JAK1: variants seen among roughly 807,000 people sequenced by gnomAD.
The protein encoded by JAK1 is Janus kinase 1.
In JAK1, 16 loss-of-function variants were observed where a neutral mutation model predicts 136.6. That is an observed-to-expected ratio of 0.12 (90% CI 0.08 to 0.18). The LOEUF (loss-of-function observed/expected upper bound fraction) is 0.18. Among genes scored for constraint, JAK1 ranks in the 10% least tolerant of loss-of-function variants. The probability of loss-of-function intolerance (pLI) is 1.00; values close to 1 mark genes in which losing one functional copy is unlikely to be tolerated. For synonymous variants in JAK1, 492 were observed against 519.5 expected, an observed-to-expected ratio of 0.95 and a Z score of 0.72; for missense variants, 859 against 1,450.1, an observed-to-expected ratio of 0.59 and a Z score of 6.62.
chr1:64,984,923 T>C lies in JAK1; in HGVS notation c.-78+59557A>G. 8.7e-7 allele frequency: 1 copy of C among 1,155,030 alleles called. No individual in the cohort carries two copies. Among genetic ancestry groups the C allele is most frequent in the Non-Finnish European group, 1.3e-6 (1 of 766,058 alleles). 71.5% of individuals were successfully genotyped at this position (1,155,030 alleles called of 1,614,324 possible). On this transcript the variant is annotated intron_variant, in intron 2 of 25. Coordinates refer to the JAK1 transcript ENST00000671954. The surrounding 1 kb of genome is among the most constrained non-coding windows in gnomAD (Gnocchi z 4.1). ...CTGGGCCAGGGCCCTGGCTGAAGAG[T>C]TCAGCCACAATAAACCAGGGAATGT...
At chr1:64,935,984 G>T (rs1645782443) in intron 1 of JAK1, among the ~76,000 whole-genome samples, 1 of 152,134 alleles carries the variant, frequency 6.6e-6, no homozygotes, top group South Asian at 2.1e-4. Flanking sequence ...GACGGTCCAG[G>T]GACACACCCT....
chr1:64,903,305 G>A (rs948523824), intron 1 of JAK1, among the ~76,000 whole-genome samples: 1 of 152,154 alleles, frequency 6.6e-6, no homozygotes. Flanking sequence ...GGGACTACAG[G>A]TGTAAGCCAC....
upstream of JAK1, among the ~76,000 whole-genome samples, chr1:64,968,220 G>T (rs973629884): frequency 4.6e-5 from 7 of 152,152 alleles, no homozygotes; most frequent in African/African-American, 1.7e-4. Flanking sequence ...GGTGGAATCA[G>T]GGGGAGAGGG....
chr1:65,016,482 C>T (rs2100781915), intron 2 of JAK1, among the ~76,000 whole-genome samples: 1 of 152,236 alleles, frequency 6.6e-6, no homozygotes, highest in South Asian at 2.1e-4. Context: ...ATTAGCTGAG[C>T]ATGATGGCAT....
At chr1:64,908,775 A>G (rs2100256133) in intron 1 of JAK1, among the ~76,000 whole-genome samples, 1 of 152,210 alleles carries the variant, frequency 6.6e-6, no homozygotes, top group African/African-American at 2.4e-5. Context: ...TAAAATAAAG[A>G]TTCAGTGTAC....
At chr1:64,945,686 G>A (rs1645972354) in intron 1 of JAK1, among the ~76,000 whole-genome samples, 1 of 151,868 alleles carries the variant, frequency 6.6e-6, no homozygotes. Flanking sequence ...AACAAAAATG[G>A]GAGCAAACCT....
chr1:64,932,725 T>C (rs1438773339), intron 1 of JAK1, among the ~76,000 whole-genome samples: 1 of 152,210 alleles, frequency 6.6e-6, no homozygotes, highest in East Asian at 1.9e-4. Context: ...TTTTTTTTTA[T>C]TGACAAACTG....
intron 10 of JAK1, among the ~76,000 whole-genome samples, chr1:64,857,127 A>G (rs1180381215): frequency 1.3e-5 from 2 of 152,164 alleles, no homozygotes; most frequent in African/African-American, 4.8e-5. Flanking sequence ...CTACGCTTCA[A>G]TCACTAAAAG....
chr1:64,920,007 G>A (rs1185866826), intron 1 of JAK1, among the ~76,000 whole-genome samples: 1 of 152,124 alleles, frequency 6.6e-6, no homozygotes, highest in East Asian at 1.9e-4. Flanking sequence ...AATAATAAAC[G>A]ACATCAAAAG....
intron 2 of JAK1, chr1:64,990,787 T>C (rs917554983): frequency 6.6e-6 from 1 of 151,450 alleles, no homozygotes; most frequent in East Asian, 1.9e-4. Flanking sequence ...CCGGCAGTGG[T>C]AGCATGTGCC....
upstream of JAK1, among the ~76,000 whole-genome samples, chr1:64,966,721 C>T (rs1034172430): frequency 6.7e-6 from 1 of 150,200 alleles, no homozygotes; most frequent in African/African-American, 2.4e-5. Flanking sequence ...TCCGGCTTCG[C>T]TCGCGAAGCT....
chr1:64,837,366 C>T (rs547612544), intron 22 of JAK1, among the ~76,000 whole-genome samples: 15 of 152,274 alleles, frequency 9.9e-5, no homozygotes, highest in African/African-American at 3.4e-4. Context: ...TATGTGGTTA[C>T]GTGGCAGGGT....
intron 8 of JAK1, 77 bp downstream of exon 8, chr1:64,864,710 T>C (rs576775531): frequency 1.7e-6 from 2 of 1,151,636 alleles, no homozygotes; most frequent in South Asian, 2.9e-5. Flanking sequence ...CTGAAAATCA[T>C]GTGCTGCAGA....
At chr1:64,887,017 G>T (rs749841653) in intron 1 of JAK1, among the ~76,000 whole-genome samples, 2 of 152,188 alleles carry the variant, frequency 1.3e-5, no homozygotes, top group African/African-American at 4.8e-5. Context: ...GGGCAGCAGC[G>T]AAGGGGGAGA....
chr1:64,884,241 GCCAAAGAACCAA>G (rs1424781103), intron 2 of JAK1, among the ~76,000 whole-genome samples: 6 of 152,138 alleles, frequency 3.9e-5, no homozygotes, highest in Non-Finnish European at 8.8e-5. Flanking sequence ...AGCACCTAGG[GCCAAAGAACCAA>G]CCTCAGCAAC....
chr1:64,947,002 G>T (rs917269427), intron 1 of JAK1, among the ~76,000 whole-genome samples: 9 of 152,202 alleles, frequency 5.9e-5, no homozygotes, highest in African/African-American at 2.2e-4. Context: ...GAAGTAGCCA[G>T]AGTAGTCAAA....
chr1:64,939,592 C>T (rs757481879), intron 1 of JAK1, among the ~76,000 whole-genome samples: 15 of 152,104 alleles, frequency 9.9e-5, no homozygotes, highest in Admixed American at 9.8e-4. Flanking sequence ...TACCATGTAA[C>T]ACAAAAGAGT....
At chr1:64,953,158 C>T (rs1265879435) in intron 1 of JAK1, among the ~76,000 whole-genome samples, 1 of 152,176 alleles carries the variant, frequency 6.6e-6, no homozygotes. Flanking sequence ...AAGGTGTAAA[C>T]ATTATGTAAT....
At chr1:65,000,431 A>G (rs1251029744) in intron 2 of JAK1, among the ~76,000 whole-genome samples, 1 of 151,196 alleles carries the variant, frequency 6.6e-6, no homozygotes, top group African/African-American at 2.4e-5. Flanking sequence ...TGAGTCCAGG[A>G]GGTCAAGGCT....
Sources: allele counts gnomAD v4.1 joint callset (sites outside exome capture counted in the v4.1 genomes callset), GRCh38; gene constraint gnomAD v4.1.1; non-coding constraint Gnocchi (gnomAD v3.1); transcripts MANE v1.5; gene names NCBI Gene and HGNC (gene_info 2026-07-23, HGNC 2026-07-21).